The following NCAM2 variants were observed in gnomAD, a reference collection of about 807,000 sequenced individuals.
NCAM2 encodes N-CAM-2.
A neutral mutation model predicts 98.1 loss-of-function variants in NCAM2; 30 were observed. The ratio of observed to expected loss-of-function variants is 0.31; its 90% CI spans 0.23 to 0.41. The LOEUF (loss-of-function observed/expected upper bound fraction) is 0.41. NCAM2 is among the 10% of genes least tolerant of loss of function. NCAM2 has a pLI of 1.00. For missense variants in NCAM2, 867 were observed against 1,005.8 expected, an observed-to-expected ratio of 0.86 and a Z score of 1.87; for synonymous variants, 368 against 342.4, an observed-to-expected ratio of 1.07 and a Z score of -0.83.
intron 4 of NCAM2, among the ~76,000 whole-genome samples, chr21:21,291,189 A>T (rs1039764911): frequency 1.3e-5 from 2 of 151,944 alleles, no homozygotes; most frequent in African/African-American, 4.8e-5. Flanking sequence ...TATCCAGCAA[A>T]CAGATAATAG....
intron 1 of NCAM2, among the ~76,000 whole-genome samples, chr21:21,004,332 TGA>T (rs1308310762): frequency 2.0e-5 from 3 of 152,172 alleles, no homozygotes; most frequent in Non-Finnish European, 4.4e-5. Flanking sequence ...TTATAACTTA[TGA>T]TTACCAATGA....
At chr21:21,411,368 A>G (rs1473587599) in intron 10 of NCAM2, among the ~76,000 whole-genome samples, 1 of 150,516 alleles carries the variant, frequency 6.6e-6, no homozygotes, top group South Asian at 2.1e-4. Flanking sequence ...TATAAATGCT[A>G]TCTGTTGGCT....
intron 1 of NCAM2, among the ~76,000 whole-genome samples, chr21:21,162,391 A>C (rs1234263425): frequency 6.6e-6 from 1 of 152,140 alleles, no homozygotes; most frequent in Non-Finnish European, 1.5e-5. Flanking sequence ...AATATACATA[A>C]AACATAAAGA....
intron 1 of NCAM2, among the ~76,000 whole-genome samples, chr21:21,068,124 G>A (rs62207577): frequency 0.22 from 31,599 of 145,088 alleles, 3,838 homozygotes; most frequent in African/African-American, 0.32. Flanking sequence ...CTAAAATAAT[G>A]ACTTTTTTTT....
intron 1 of NCAM2, among the ~76,000 whole-genome samples, chr21:21,039,169 A>G (rs913441920): frequency 6.6e-6 from 1 of 152,084 alleles, no homozygotes; most frequent in African/African-American, 2.4e-5. Flanking sequence ...GCACCCATTA[A>G]CCAACCTCTC....
rs1176006338 is a variant in NCAM2 at position 21,330,628 on chromosome 21, T to A, written c.738-4877T>A. On this transcript the variant is annotated intron_variant, in intron 6 of 17. Coordinates refer to ENST00000400546, the MANE Select transcript of NCAM2 (RefSeq NM_004540.5). ...TTGATAGTATTGTGGAAGTCTTCTA[T>A]ATTTTTTTGTAACGATTCTTCTCCA... 7.9e-5 allele frequency among the ~76,000 whole-genome samples: 12 copies of A among 152,096 alleles called. 1 individual carries two copies.
chr21:21,125,998 G>A (rs1329089368), intron 1 of NCAM2, among the ~76,000 whole-genome samples: 1 of 151,490 alleles, frequency 6.6e-6, no homozygotes, highest in Non-Finnish European at 1.5e-5. Context: ...TTCCATTTAA[G>A]CCAGAGAATT....
intron 1 of NCAM2, among the ~76,000 whole-genome samples, chr21:21,099,259 G>C (rs1381977077): frequency 6.6e-6 from 1 of 151,894 alleles, no homozygotes; most frequent in Non-Finnish European, 1.5e-5. Context: ...TGCCTTTACT[G>C]ATTATTGGTT....
intron 1 of NCAM2, among the ~76,000 whole-genome samples, chr21:21,272,069 G>A (rs2072522996): frequency 1.3e-5 from 2 of 152,168 alleles, no homozygotes; most frequent in South Asian, 4.1e-4. Flanking sequence ...ATAAGTTCTA[G>A]TAAGGTCAGG....
At chr21:21,215,517 A>T (rs1331172645) in intron 1 of NCAM2, among the ~76,000 whole-genome samples, 1 of 152,064 alleles carries the variant, frequency 6.6e-6, no homozygotes, top group Non-Finnish European at 1.5e-5. Context: ...TCAGGTGTTC[A>T]AGACCAGACT....
intron 5 of NCAM2, among the ~76,000 whole-genome samples, chr21:21,320,299 C>T (rs1242308293): frequency 2.0e-5 from 3 of 152,098 alleles, no homozygotes; most frequent in Middle Eastern, 3.2e-3. Context: ...ATTGTATGTA[C>T]GTATTTAGTT....
At chr21:21,256,382 G>A (rs2085336617) in intron 1 of NCAM2, among the ~76,000 whole-genome samples, 2 of 152,046 alleles carry the variant, frequency 1.3e-5, no homozygotes, top group African/African-American at 2.4e-5. Context: ...GATGATAATA[G>A]TAATATTTCT....
At chr21:21,458,536 G>A (rs1370395223) in intron 12 of NCAM2, among the ~76,000 whole-genome samples, 1 of 152,160 alleles carries the variant, frequency 6.6e-6, no homozygotes, top group Non-Finnish European at 1.5e-5. Flanking sequence ...GCCTTTATTA[G>A]ATAGACCTCA....
chr21:21,394,446 C>T (rs1182051932), intron 9 of NCAM2, among the ~76,000 whole-genome samples: 1 of 135,892 alleles, frequency 7.4e-6, no homozygotes, highest in Non-Finnish European at 1.6e-5. Context: ...TGCAGTTAGA[C>T]CTTAGTTAAT....
chr21:21,515,115 G>A (rs1044494952), intron 16 of NCAM2, among the ~76,000 whole-genome samples: 1 of 152,194 alleles, frequency 6.6e-6, no homozygotes, highest in African/African-American at 2.4e-5. Flanking sequence ...ATCTTTGCAA[G>A]ATAAACTATT....
chr21:21,437,566 A>G (rs891191481), intron 12 of NCAM2, among the ~76,000 whole-genome samples: 1 of 150,478 alleles, frequency 6.6e-6, no homozygotes, highest in Non-Finnish European at 1.5e-5. Flanking sequence ...AGGGATCCCC[A>G]CTTCATCTCC....
intron 12 of NCAM2, among the ~76,000 whole-genome samples, chr21:21,461,328 G>T (rs909015408): frequency 5.9e-5 from 9 of 151,734 alleles, no homozygotes; most frequent in Non-Finnish European, 1.0e-4. Flanking sequence ...ATTTAAATAG[G>T]AAGCCATCTG....
chr21:21,015,224 G>C (rs1431491147), intron 1 of NCAM2, among the ~76,000 whole-genome samples: 3 of 152,170 alleles, frequency 2.0e-5, no homozygotes, highest in Non-Finnish European at 2.9e-5. Flanking sequence ...TGAGAAGACT[G>C]ACTTCAATTT....
At chr21:21,311,785 A>T (rs879944189) in intron 5 of NCAM2, among the ~76,000 whole-genome samples, 183 of 11,164 alleles carry the variant, frequency 0.016, 1 homozygote, top group Non-Finnish European at 0.029. Flanking sequence ...CATTTTTTTA[A>T]AAAAAATTTT....
Sources: allele counts gnomAD v4.1 joint callset (sites outside exome capture counted in the v4.1 genomes callset), GRCh38; gene constraint gnomAD v4.1.1; transcripts MANE v1.5; gene names NCBI Gene and HGNC (gene_info 2026-07-23, HGNC 2026-07-21).